Variants in NBAS observed in about 807,000 individuals in gnomAD.
NBAS encodes NBAS subunit of NRZ tethering complex.
Under a neutral mutation model 302.5 loss-of-function variants are expected in NBAS, and 219 were observed. The ratio of observed to expected loss-of-function variants is 0.72; its 90% CI spans 0.65 to 0.81. The LOEUF (loss-of-function observed/expected upper bound fraction) is 0.81. NBAS is among the 30% of genes least tolerant of loss of function. The pLI is 0.00. For synonymous variants in NBAS, 1,118 were observed against 1,021.6 expected (o/e 1.09, Z -1.80); for missense variants, 2,932 against 2,841.6 (o/e 1.03, Z -0.72).
chr2:14,837,606 A>G, the NBAS span, among the ~76,000 whole-genome samples: 3 of 151,726 alleles, frequency 2.0e-5, no homozygotes, highest in Non-Finnish European at 4.4e-5. Context: ...TAATAAAACT[A>G]TTTAGATTTT....
At chr2:15,399,911 G>A (rs894427738) in intron 26 of NBAS, among the ~76,000 whole-genome samples, 12 of 152,054 alleles carry the variant, frequency 7.9e-5, no homozygotes, top group African/African-American at 2.7e-4. Flanking sequence ...ACAAGATAAG[G>A]ATTCTAAGTC....
chr2:15,420,019 A>G (rs1401219485), intron 23 of NBAS, among the ~76,000 whole-genome samples: 1 of 152,144 alleles, frequency 6.6e-6, no homozygotes, highest in Non-Finnish European at 1.5e-5. Flanking sequence ...GCCAACGATG[A>G]TATTTGACAA....
chr2:15,239,646 A>G (rs1046051031), intron 44 of NBAS, among the ~76,000 whole-genome samples: 2 of 151,868 alleles, frequency 1.3e-5, no homozygotes, highest in African/African-American at 4.8e-5. Flanking sequence ...GTACATGCAT[A>G]TAAAGTATAT....
rs774055255 is a variant in NBAS at position 15,276,912 on chromosome 2, G to A, written c.5328C>T (p.Asn1776=). Reference sequence around the variant, plus strand: ...TGTGGGTTTCTGGTTTAATGGCACAGTTCCCCAAATCTGCACAGCCACAGT... The same window carrying A: ...TGTGGGTTTCTGGTTTAATGGCACAATTCCCCAAATCTGCACAGCCACAGT... ...LENCGCADLG[N]CAIKPETHIR... Residue 1776 remains asparagine, a synonymous_variant, in exon 43 of 52, where the codon AAC becomes AAT. Coordinates refer to ENST00000281513, the MANE Select transcript of NBAS (RefSeq NM_015909.4). 4 of 1,614,054 alleles carry A rather than the reference G, an allele frequency of 2.5e-6. No homozygotes were observed. The Admixed American group carries it at 6.7e-5, about 27-fold the overall frequency.
At chr2:15,114,653 G>T in the NBAS span, among the ~76,000 whole-genome samples, 28 of 152,214 alleles carry the variant, frequency 1.8e-4, no homozygotes, top group African/African-American at 5.8e-4. Context: ...ACCATAACAG[G>T]CTCCTGGATA....
intron 23 of NBAS, among the ~76,000 whole-genome samples, chr2:15,418,492 C>T (rs1462362789): frequency 1.3e-5 from 2 of 152,162 alleles, no homozygotes; most frequent in Non-Finnish European, 2.9e-5. Context: ...GTTAGAAATA[C>T]AAAACTGAGT....
chr2:15,308,955 C>A (rs1207260223), intron 39 of NBAS, among the ~76,000 whole-genome samples: 2 of 151,974 alleles, frequency 1.3e-5, no homozygotes, highest in Non-Finnish European at 2.9e-5. Flanking sequence ...ACCAGCATGG[C>A]ACATGTATAC....
chr2:14,970,635 C>CT, the NBAS span, among the ~76,000 whole-genome samples: 1 of 152,158 alleles, frequency 6.6e-6, no homozygotes, highest in African/African-American at 2.4e-5. Flanking sequence ...TTAGAGGACT[C>CT]TAACACCCTG....
the NBAS span, among the ~76,000 whole-genome samples, chr2:14,954,642 A>G: frequency 6.6e-6 from 1 of 152,204 alleles, no homozygotes; most frequent in South Asian, 2.1e-4. Flanking sequence ...GAAACTTACC[A>G]TCATGGCAGA....
chr2:14,833,231 C>G, the NBAS span, among the ~76,000 whole-genome samples: 2 of 152,154 alleles, frequency 1.3e-5, no homozygotes, highest in African/African-American at 4.8e-5. Flanking sequence ...GGCTTAGTAA[C>G]AGGACCCACT....
At chr2:15,174,922 A>T (rs1359723241) in intron 51 of NBAS, among the ~76,000 whole-genome samples, 1 of 152,242 alleles carries the variant, frequency 6.6e-6, no homozygotes. Context: ...AATTATTGTC[A>T]TCAAGGAGAA....
the NBAS span, among the ~76,000 whole-genome samples, chr2:15,016,270 C>T: frequency 3.9e-5 from 6 of 152,134 alleles, no homozygotes; most frequent in African/African-American, 1.4e-4. Flanking sequence ...GAGACTTATT[C>T]ACCACCACAA....
chr2:15,179,562 T>C (rs372970096), intron 50 of NBAS: 50 of 160,330 alleles, frequency 3.1e-4, no homozygotes, highest in Middle Eastern at 3.3e-3. Flanking sequence ...GGCTGAATTA[T>C]AATAAAAAGT....
the NBAS span, among the ~76,000 whole-genome samples, chr2:14,939,768 T>G: frequency 6.6e-6 from 1 of 152,258 alleles, no homozygotes; most frequent in Non-Finnish European, 1.5e-5. Flanking sequence ...TTCCATTGTT[T>G]GAGGATATAT....
intron 34 of NBAS, 24 bp from the exon 35 acceptor site, chr2:15,352,105 G>A (rs1225818998): frequency 6.6e-7 from 1 of 1,517,734 alleles, no homozygotes; most frequent in South Asian, 1.1e-5. Context: ...AGGCTATATT[G>A]TAAAGGAGTT....
chr2:15,040,626 C>T, the NBAS span, among the ~76,000 whole-genome samples: 2 of 152,206 alleles, frequency 1.3e-5, no homozygotes, highest in South Asian at 2.1e-4. Flanking sequence ...GCACCAAGCT[C>T]GTGGCAATCT....
chr2:15,240,077 A>G (rs906123200), intron 44 of NBAS, among the ~76,000 whole-genome samples: 6 of 152,092 alleles, frequency 3.9e-5, no homozygotes, highest in African/African-American at 1.4e-4. Context: ...ACTCAAGTAC[A>G]TTTTTACTAT....
At chr2:15,020,117 C>A in the NBAS span, among the ~76,000 whole-genome samples, 14 of 152,288 alleles carry the variant, frequency 9.2e-5, no homozygotes, top group African/African-American at 3.4e-4. Flanking sequence ...CAAGTCTATA[C>A]TCCTTTTCAC....
the NBAS span, among the ~76,000 whole-genome samples, chr2:15,108,688 G>A: frequency 1.3e-5 from 2 of 152,088 alleles, no homozygotes; most frequent in Non-Finnish European, 2.9e-5. Context: ...GCTTATATCC[G>A]CCCGTGTGAA....
Sources: allele counts gnomAD v4.1 joint callset (sites outside exome capture counted in the v4.1 genomes callset), GRCh38; gene constraint gnomAD v4.1.1; transcripts MANE v1.5; gene names NCBI Gene and HGNC (gene_info 2026-07-23, HGNC 2026-07-21).